The following ANKRD28 variants were observed in gnomAD, a reference collection of about 807,000 sequenced individuals.
ANKRD28 encodes ankyrin repeat domain 28.
Under a neutral mutation model 126.5 loss-of-function variants are expected in ANKRD28, and 44 were observed. That is an observed-to-expected ratio of 0.35 (90% CI 0.27 to 0.45). The LOEUF is 0.45. ANKRD28 is among the 20% of genes least tolerant of loss of function. ANKRD28 has a pLI of 1.00. For missense variants in ANKRD28, 1,110 were observed against 1,316.6 expected (o/e 0.84, Z 2.43); for synonymous variants, 442 against 468.5 (o/e 0.94, Z 0.73).
intron 14 of ANKRD28, among the ~76,000 whole-genome samples, chr3:15,702,698 G>T (rs2070786000): frequency 6.6e-6 from 1 of 152,022 alleles, no homozygotes; most frequent in African/African-American, 2.4e-5. Context: ...TGTGTCCCAT[G>T]GCTAGTCAGA....
intron 2 of ANKRD28, among the ~76,000 whole-genome samples, chr3:15,777,203 G>C (rs2059314129): frequency 6.6e-6 from 1 of 151,334 alleles, no homozygotes; most frequent in African/African-American, 2.4e-5. Context: ...GAACCTGGGA[G>C]GTAGAGCTTG....
At chr3:15,709,806 GAAGCATGA>G in intron 12 of ANKRD28, 70 bp from the exon 13 acceptor site, 1 of 1,002,002 alleles carries the variant, frequency 1.0e-6, no homozygotes. Context: ...TAGGTTTAAA[GAAGCATGA>G]AAGCATGTTT....
rs1486394619 is a variant in ANKRD28, at chr3:15,850,204, A to AAATATATATAT, written c.27+9172_27+9173insATATATATATT. ...TCTACATGCAATAAAAAAAAAAAAA[A>AAATATATATAT]ATATATATATATATATATATAGAGA... On this transcript the variant is annotated intron_variant, in intron 1 of 27. Coordinates refer to the ANKRD28 transcript ENST00000399451. Among the ~76,000 whole-genome samples, 33 of 54,816 alleles carry AAATATATATAT rather than the reference A, an allele frequency of 6.0e-4. 2 individuals carry two copies. The highest frequency in any genetic ancestry group is 8.5e-4 in the Non-Finnish European group (22 of 25,966). 36.0% of individuals were successfully genotyped at this position (54,816 alleles called of 152,430 possible).
intron 2 of ANKRD28, among the ~76,000 whole-genome samples, chr3:15,778,717 T>C (rs2059410042): frequency 6.6e-6 from 1 of 152,130 alleles, no homozygotes; most frequent in South Asian, 2.1e-4. Context: ...TTACCTAGAG[T>C]CAGCTTTGTG....
chr3:15,824,974 T>C (rs1230601777), intron 1 of ANKRD28, among the ~76,000 whole-genome samples: 3 of 152,168 alleles, frequency 2.0e-5, no homozygotes, highest in African/African-American at 7.2e-5. Context: ...CAAGATATAT[T>C]GGGGGTGAGG....
chr3:15,806,323 C>A (rs1320942708), intron 1 of ANKRD28, among the ~76,000 whole-genome samples: 1 of 152,176 alleles, frequency 6.6e-6, no homozygotes, highest in African/African-American at 2.4e-5. Context: ...CCATTCCTAA[C>A]TAGGTTGTTA....
chr3:15,744,473 CTTTTTT>C (rs551103706), intron 4 of ANKRD28, among the ~76,000 whole-genome samples: 1 of 137,246 alleles, frequency 7.3e-6, no homozygotes, highest in African/African-American at 2.7e-5. Context: ...CCAAACCTGG[CTTTTTT>C]TTTTTTTTTG....
At chr3:15,688,354 C>T (rs2068392403) in intron 18 of ANKRD28, among the ~76,000 whole-genome samples, 1 of 152,150 alleles carries the variant, frequency 6.6e-6, no homozygotes, top group African/African-American at 2.4e-5. Flanking sequence ...TGAAACTGAA[C>T]TCAAGTGACC....
rs79155411 is a variant in ANKRD28, at chr3:15,702,443, C to G, written c.1547+5481G>C. 1.1e-4 allele frequency among the ~76,000 whole-genome samples: 16 copies of G among 152,212 alleles called. No individual in the cohort carries two copies. In the East Asian group the frequency reaches 3.1e-3, roughly 29 times the overall value. On this transcript the variant is annotated intron_variant, in intron 14 of 27. Transcript: ENST00000683139. ...CGCAGACAATTAAGAAATGAAGATT[C>G]TCCATAATCTGTCCTCTGAAATAAA...
chr3:15,775,265 A>G (rs886867385), intron 2 of ANKRD28, among the ~76,000 whole-genome samples: 5 of 152,254 alleles, frequency 3.3e-5, no homozygotes, highest in African/African-American at 1.2e-4. Context: ...GTCATAAAAA[A>G]GCAAGCTAAA....
rs1455409799 is a variant in ANKRD28, at chr3:15,843,328, C to G, written c.27+16049G>C. Among the ~76,000 whole-genome samples, 1 of 152,128 alleles carries G rather than the reference C, an allele frequency of 6.6e-6. No homozygotes were observed. The highest frequency in any genetic ancestry group is 1.5e-5 in the Non-Finnish European group (1 of 68,024). ...GCCCCCATGATCCAATCACCTCTCA[C>G]CAGACCCCAATCCCAACACTAAAGA... On this transcript the variant is annotated intron_variant, in intron 1 of 27. Coordinates refer to the ANKRD28 transcript ENST00000399451. This position sits in a 1 kb window ranked among gnomAD's most constrained non-coding sequence, Gnocchi z 5.2.
rs559025488 is a variant in ANKRD28, at chr3:15,833,283, G to A, written c.27+26094C>T. On this transcript the variant is annotated intron_variant, in intron 1 of 27. Transcript: ENST00000399451. The surrounding 1 kb of genome is among the most constrained non-coding windows in gnomAD (Gnocchi z 4.4). Reference sequence around the variant, plus strand: ...TGGAATATGAAGTAGGCAGAAAAACGTGAAAAGACTAGACTGGTGTAGCCT... The same window carrying A: ...TGGAATATGAAGTAGGCAGAAAAACATGAAAAGACTAGACTGGTGTAGCCT... 3.9e-5 allele frequency among the ~76,000 whole-genome samples: 6 copies of A among 152,118 alleles called. No homozygotes were observed. Among genetic ancestry groups the A allele is most frequent in the African/African-American group, 7.2e-5 (3 of 41,506 alleles).
intron 1 of ANKRD28, chr3:15,859,245 C>A: frequency 3.0e-6 from 4 of 1,344,096 alleles, no homozygotes; most frequent in Non-Finnish European, 3.9e-6. Flanking sequence ...TCGCGCAGGT[C>A]CCCGGGGCAG....
At chr3:15,768,635 G>T (rs1197091160) in intron 2 of ANKRD28, among the ~76,000 whole-genome samples, 1 of 151,950 alleles carries the variant, frequency 6.6e-6, no homozygotes, top group African/African-American at 2.4e-5. Flanking sequence ...CTGGGCAACA[G>T]AGCAAGATCT....
intron 17 of ANKRD28, among the ~76,000 whole-genome samples, chr3:15,690,997 T>C (rs1265512279): frequency 3.3e-5 from 5 of 152,132 alleles, no homozygotes; most frequent in Admixed American, 3.3e-4. Flanking sequence ...TAATGTGCCA[T>C]AGCTAAAAAA....
intron 2 of ANKRD28, among the ~76,000 whole-genome samples, chr3:15,777,470 T>C (rs981290532): frequency 2.6e-5 from 4 of 152,116 alleles, no homozygotes; most frequent in Non-Finnish European, 4.4e-5. Flanking sequence ...AGTTTCTGTG[T>C]AAATAAAACC....
intron 15 of ANKRD28, among the ~76,000 whole-genome samples, chr3:15,695,479 A>C (rs972867614): frequency 6.6e-6 from 1 of 152,020 alleles, no homozygotes; most frequent in Non-Finnish European, 1.5e-5. Context: ...TAAATTGTCA[A>C]CCTCCCTTTT....
intron 3 of ANKRD28, among the ~76,000 whole-genome samples, chr3:15,765,862 A>C (rs970620455): frequency 7.9e-5 from 12 of 151,238 alleles, no homozygotes; most frequent in Non-Finnish European, 1.2e-4. Context: ...AAAAAAAAAA[A>C]AACCAACCAA....
At chr3:15,760,363 A>G (rs2058390285) in intron 3 of ANKRD28, among the ~76,000 whole-genome samples, 1 of 152,258 alleles carries the variant, frequency 6.6e-6, no homozygotes, top group African/African-American at 2.4e-5. Flanking sequence ...GTTTACCTAT[A>G]TAACACACCT....
Sources: gnomAD v4.1 joint callset for allele counts (sites outside exome capture counted in the v4.1 genomes callset) on GRCh38, gnomAD v4.1.1 for gene constraint, Gnocchi (gnomAD v3.1) non-coding constraint, MANE v1.5 for transcripts, NCBI Gene and HGNC (gene_info 2026-07-23, HGNC 2026-07-21) for gene names.